FTO: variants seen among roughly 807,000 people sequenced by gnomAD.
FTO encodes the protein FTO alpha-ketoglutarate dependent dioxygenase.
FTO carries 47 observed loss-of-function variants against 63.9 expected under a neutral mutation model. The observed-to-expected ratio is 0.74, with a 90% CI of 0.58 to 0.94. FTO has a LOEUF of 0.94. Ranked by LOEUF, FTO falls within the 40% of genes least tolerant of loss-of-function variation. The pLI is 0.00. For missense variants in FTO, 562 were observed against 618.1 expected (o/e 0.91, Z 0.96); for synonymous variants, 207 against 224.4 (o/e 0.92, Z 0.69).
At chr16:53,898,778 C>A (rs886566414) in intron 7 of FTO, among the ~76,000 whole-genome samples, 1 of 152,128 alleles carries the variant, frequency 6.6e-6, no homozygotes, top group Non-Finnish European at 1.5e-5. Flanking sequence ...CTCCTGGGCT[C>A]AAGTGATTTG....
chr16:54,105,259 T>G (rs1342395119), intron 8 of FTO, among the ~76,000 whole-genome samples: 4 of 152,254 alleles, frequency 2.6e-5, no homozygotes, highest in African/African-American at 9.6e-5. Context: ...AAACTAGGTT[T>G]TGTCAGTCAT....
intron 1 of FTO, among the ~76,000 whole-genome samples, chr16:53,717,084 G>T (rs2075911990): frequency 6.6e-6 from 1 of 151,132 alleles, no homozygotes; most frequent in South Asian, 2.1e-4. Flanking sequence ...TCCTATCATA[G>T]GTTATCCTTT....
chr16:53,911,269 A>G, intron 7 of FTO: 1 of 653,976 alleles, frequency 1.5e-6, no homozygotes. Context: ...TCAAGAGTAA[A>G]GGAGAACAAA....
chr16:53,756,942 C>T (rs1429007809), intron 1 of FTO, among the ~76,000 whole-genome samples: 3 of 152,038 alleles, frequency 2.0e-5, no homozygotes, highest in Non-Finnish European at 4.4e-5. Flanking sequence ...AAATGACAGG[C>T]CTGTTAATCT....
At chr16:53,710,773 A>G (rs1272051937) in intron 1 of FTO, among the ~76,000 whole-genome samples, 1 of 152,204 alleles carries the variant, frequency 6.6e-6, no homozygotes, top group Non-Finnish European at 1.5e-5. Flanking sequence ...AAACTTAAGT[A>G]TCTGGTAACA....
chr16:54,076,887 C>G (rs1051981598), intron 8 of FTO, among the ~76,000 whole-genome samples: 4 of 152,048 alleles, frequency 2.6e-5, no homozygotes, highest in Admixed American at 6.6e-5. Flanking sequence ...CTTGCTTTTC[C>G]CAAACGATGA....
chr16:53,939,054 C>T (rs1169024849), intron 8 of FTO, among the ~76,000 whole-genome samples: 4 of 151,998 alleles, frequency 2.6e-5, no homozygotes, highest in African/African-American at 7.3e-5. Flanking sequence ...GCCGAGATGA[C>T]GCCACTGCAC....
intron 1 of FTO, among the ~76,000 whole-genome samples, chr16:53,726,201 G>A (rs78443003): frequency 0.058 from 8,863 of 152,144 alleles, 842 homozygotes; most frequent in African/African-American, 0.2. Context: ...AAAACGTGTC[G>A]ATGAACTACT....
chr16:54,106,248 AGTT>A, intron 8 of FTO, among the ~76,000 whole-genome samples: 1 of 151,966 alleles, frequency 6.6e-6, no homozygotes, highest in East Asian at 1.9e-4. Context: ...GCCCTTCATG[AGTT>A]ACACCTTGGT....
At chr16:53,893,080 G>A (rs1228037485) in intron 7 of FTO, among the ~76,000 whole-genome samples, 2 of 152,042 alleles carry the variant, frequency 1.3e-5, no homozygotes, top group Non-Finnish European at 2.9e-5. Context: ...CTCTTGTGAT[G>A]TAAATGTTAA....
intron 8 of FTO, among the ~76,000 whole-genome samples, chr16:54,093,597 G>A (rs1171621129): frequency 1.3e-5 from 2 of 152,176 alleles, no homozygotes; most frequent in Non-Finnish European, 2.9e-5. Context: ...CGGCCTGTTT[G>A]CAGGAGCTGG....
chr16:54,059,232 A>G (rs2050992527), intron 8 of FTO, among the ~76,000 whole-genome samples: 1 of 152,212 alleles, frequency 6.6e-6, no homozygotes, highest in Non-Finnish European at 1.5e-5. Flanking sequence ...AGACTCATCT[A>G]GCCCACATTA....
chr16:54,005,336 T>C (rs1306289022), intron 8 of FTO, among the ~76,000 whole-genome samples: 2 of 147,286 alleles, frequency 1.4e-5, no homozygotes, highest in Non-Finnish European at 3.0e-5. Flanking sequence ...TTTTATTTTA[T>C]ATATATAAAT....
At chr16:53,899,353 C>G (rs975790907) in intron 7 of FTO, among the ~76,000 whole-genome samples, 3 of 151,926 alleles carry the variant, frequency 2.0e-5, no homozygotes, top group African/African-American at 2.4e-5. Flanking sequence ...TTAGATTTCC[C>G]TCTTCTGGAA....
intron 8 of FTO, among the ~76,000 whole-genome samples, chr16:54,101,917 C>A (rs1758835315): frequency 6.6e-6 from 1 of 152,076 alleles, no homozygotes; most frequent in Non-Finnish European, 1.5e-5. Flanking sequence ...ATAATCAGGG[C>A]TATTGAGCTT....
chr16:54,001,780 G>A lies in FTO; in HGVS notation c.1364+67671G>A, dbSNP rs530670675. On this transcript the variant is annotated intron_variant, in intron 8 of 8. Coordinates refer to ENST00000471389, the MANE Select transcript of FTO (RefSeq NM_001080432.3). ...TCAGAATGGAGTTGGAAATGGGACA[G>A]CCTATTAGTCCAATCTACTTCTAAG... Among the ~76,000 whole-genome samples, 20 of 152,296 alleles carry A rather than the reference G, an allele frequency of 1.3e-4. No homozygotes were observed. In the East Asian group the frequency reaches 2.1e-3, roughly 16 times the overall value.
chr16:53,799,598 C>T (rs928051913), intron 1 of FTO, among the ~76,000 whole-genome samples: 2 of 152,090 alleles, frequency 1.3e-5, no homozygotes, highest in African/African-American at 2.4e-5. Flanking sequence ...ACATCTCATT[C>T]TCATCCTGTA....
intron 8 of FTO, among the ~76,000 whole-genome samples, chr16:54,076,446 A>G (rs2085995098): frequency 1.3e-5 from 2 of 152,324 alleles, no homozygotes; most frequent in East Asian, 1.9e-4. Flanking sequence ...CAAAGCAAGT[A>G]TACAGGGAAA....
chr16:53,988,429 A>G (rs1355956937), intron 8 of FTO, among the ~76,000 whole-genome samples: 2 of 152,190 alleles, frequency 1.3e-5, no homozygotes, highest in Non-Finnish European at 2.9e-5. Context: ...GGTTTGCCAC[A>G]TCCAACTTTT....
Sources: allele counts gnomAD v4.1 joint callset (sites outside exome capture counted in the v4.1 genomes callset), GRCh38; gene constraint gnomAD v4.1.1; transcripts MANE v1.5; gene names NCBI Gene and HGNC (gene_info 2026-07-23, HGNC 2026-07-21).